Variants in LHFPL3 observed in about 807,000 individuals in gnomAD.
The protein encoded by LHFPL3 is LHFPL tetraspan subfamily member 3.
LHFPL3 carries 5 observed loss-of-function variants against 19.3 expected under a neutral mutation model. The ratio of observed to expected loss-of-function variants is 0.26; its 90% confidence interval spans 0.14 to 0.54. The LOEUF is 0.54. Ranked by LOEUF, LHFPL3 falls within the 20% of genes least tolerant of loss-of-function variation. The pLI is 0.94. For missense variants in LHFPL3, 249 were observed against 307.4 expected (o/e 0.81, Z 1.42); for synonymous variants, 133 against 126.2 (o/e 1.05, Z -0.36).
chr7:104,838,636 T>A (rs746390429), intron 2 of LHFPL3, among the ~76,000 whole-genome samples: 1 of 152,230 alleles, frequency 6.6e-6, no homozygotes, highest in Non-Finnish European at 1.5e-5. Flanking sequence ...ATAGGTGTTA[T>A]AAAGCAGCAC....
At chr7:104,342,329 A>G (rs940924326) in intron 1 of LHFPL3, among the ~76,000 whole-genome samples, 1 of 152,156 alleles carries the variant, frequency 6.6e-6, no homozygotes, top group African/African-American at 2.4e-5. Context: ...TGGAAATCCC[A>G]TTTCTTGGGA....
chr7:104,516,232 C>T (rs41057), intron 1 of LHFPL3, among the ~76,000 whole-genome samples: 3,589 of 152,048 alleles, frequency 0.024, 122 homozygotes, highest in African/African-American at 0.081. Context: ...GGGGAAAGTG[C>T]CTAGCAAAAC....
rs148950248 is a variant in LHFPL3, at chr7:104,423,799, C to A, written c.445+94575C>A. Among the ~76,000 whole-genome samples, 578 of 151,544 alleles carry A rather than the reference C, an allele frequency of 3.8e-3. 6 individuals carry two copies. The highest frequency in any genetic ancestry group is 0.013 in the African/African-American group (535 of 41,192). On this transcript the variant is annotated intron_variant, in intron 1 of 2. Transcript: ENST00000424859. ...AAGGCTGCAGTGAGCCGTGATCATG[C>A]CACTGCACTCAGCCTGGGTGAAAGA...
At chr7:104,797,398 C>G (rs1375799824) in intron 2 of LHFPL3, among the ~76,000 whole-genome samples, 2 of 152,026 alleles carry the variant, frequency 1.3e-5, no homozygotes, top group Admixed American at 1.3e-4. Flanking sequence ...ACTTTAATGG[C>G]CAAATGAGGC....
At chr7:104,359,396 G>A (rs560396757) in intron 1 of LHFPL3, among the ~76,000 whole-genome samples, 4 of 152,270 alleles carry the variant, frequency 2.6e-5, no homozygotes, top group African/African-American at 4.8e-5. Context: ...TCATAGATGC[G>A]ATTGTTAGCT....
chr7:104,519,815 C>T (rs529267786), intron 1 of LHFPL3, among the ~76,000 whole-genome samples: 14 of 152,088 alleles, frequency 9.2e-5, no homozygotes, highest in African/African-American at 3.4e-4. Flanking sequence ...AGGGAAGCAA[C>T]TGTAGATGCC....
At chr7:104,676,532 T>A (rs1002336030) in intron 1 of LHFPL3, among the ~76,000 whole-genome samples, 1 of 152,242 alleles carries the variant, frequency 6.6e-6, no homozygotes, top group Admixed American at 6.5e-5. Flanking sequence ...GTGTTTATGA[T>A]GCATGTATTC....
chr7:104,747,962 G>T (rs1275627217), intron 2 of LHFPL3, among the ~76,000 whole-genome samples: 2 of 152,124 alleles, frequency 1.3e-5, no homozygotes, highest in East Asian at 3.8e-4. Context: ...TACTGTGTCT[G>T]TGTAGAAAGA....
intron 2 of LHFPL3, among the ~76,000 whole-genome samples, chr7:104,827,724 T>C (rs1286948131): frequency 6.6e-6 from 1 of 151,894 alleles, no homozygotes; most frequent in African/African-American, 2.4e-5. Flanking sequence ...TCTTTTGTTA[T>C]GAATTCTTGT....
chr7:104,877,669 G>A (rs1379700420), intron 2 of LHFPL3, among the ~76,000 whole-genome samples: 1 of 151,974 alleles, frequency 6.6e-6, no homozygotes, highest in Non-Finnish European at 1.5e-5. Context: ...CATTGCGGAT[G>A]GGAATGTAAA....
At chr7:104,535,979 C>A (rs951666107) in intron 1 of LHFPL3, among the ~76,000 whole-genome samples, 3 of 152,200 alleles carry the variant, frequency 2.0e-5, no homozygotes, top group African/African-American at 7.2e-5. Context: ...GTACAGCTCT[C>A]CCATCTGGAG....
chr7:104,625,928 A>G (rs1338178605), intron 1 of LHFPL3, among the ~76,000 whole-genome samples: 1 of 152,088 alleles, frequency 6.6e-6, no homozygotes, highest in Non-Finnish European at 1.5e-5. Context: ...TTCCAAAACA[A>G]CACCCCTGCT....
At position 104,376,885 on chromosome 7, in the gene LHFPL3, T is replaced by A. The variant is rs150634335; in HGVS notation, c.445+47661T>A. ...TGTAGCTTTTTTTCCTGGAAAGTTC[T>A]AGGAGTCTTGCAAAGCAAATTAGCA... On this transcript the variant is annotated intron_variant, in intron 1 of 2. Coordinates refer to ENST00000424859, the MANE Select transcript of LHFPL3 (RefSeq NM_199000.3). Among the ~76,000 whole-genome samples the A allele has an allele frequency of 1.4e-4, 21 of 152,336 alleles. No individual in the cohort carries two copies. In the East Asian group the frequency reaches 4.0e-3, roughly 29 times the overall value.
chr7:104,791,831 C>T (rs1790030103), intron 2 of LHFPL3, among the ~76,000 whole-genome samples: 1 of 152,120 alleles, frequency 6.6e-6, no homozygotes, highest in South Asian at 2.1e-4. Flanking sequence ...TCTTGGTTCA[C>T]CTGGCCTGTC....
chr7:104,539,761 C>T (rs1429316920), intron 1 of LHFPL3, among the ~76,000 whole-genome samples: 3 of 152,126 alleles, frequency 2.0e-5, no homozygotes, highest in Non-Finnish European at 4.4e-5. Context: ...TTTCTTTTAA[C>T]CTGAGATTAT....
Position 104,329,180 on chromosome 7 carries a change from C to T in LHFPL3, c.401C>T (p.Thr134Met), listed in dbSNP as rs376545400. Residue 134 changes from threonine to methionine, a missense_variant, in exon 1 of 3, where the codon ACG becomes ATG. Transcript: ENST00000424859. ...TTTACCCTCTTCTTCTTCTGCAACACGGCCACTGTGTACAAGATATGTGCC... is the reference window on the plus strand; with the variant it reads ...TTTACCCTCTTCTTCTTCTGCAACATGGCCACTGTGTACAAGATATGTGCC... ...ICFTLFFFCNTATVYKICAWM... is the reference protein window; with the variant it reads ...ICFTLFFFCNMATVYKICAWM... The T allele has an allele frequency of 1.9e-6, 3 of 1,613,974 alleles. No individual in the cohort carries two copies. Among genetic ancestry groups the T allele is most frequent in the Non-Finnish European group, 1.7e-6 (2 of 1,179,848 alleles).
chr7:104,733,159 T>C (rs1453234876), intron 1 of LHFPL3, among the ~76,000 whole-genome samples: 1 of 152,234 alleles, frequency 6.6e-6, no homozygotes, highest in African/African-American at 2.4e-5. Context: ...TGGTCAATTT[T>C]GGAATAGGTG....
intron 2 of LHFPL3, among the ~76,000 whole-genome samples, chr7:104,824,965 C>T (rs1306623641): frequency 2.8e-5 from 4 of 144,122 alleles, no homozygotes; most frequent in East Asian, 3.9e-4. Context: ...TTTGGAAGCC[C>T]AGGGCCCCAG....
intron 1 of LHFPL3, among the ~76,000 whole-genome samples, chr7:104,466,040 G>A (rs1394471346): frequency 6.6e-6 from 1 of 152,190 alleles, no homozygotes; most frequent in African/African-American, 2.4e-5. Flanking sequence ...TATATATTAT[G>A]TTGTTTTTGG....
Sources: allele counts gnomAD v4.1 joint callset (sites outside exome capture counted in the v4.1 genomes callset), GRCh38; gene constraint gnomAD v4.1.1; transcripts MANE v1.5; gene names NCBI Gene and HGNC (gene_info 2026-07-23, HGNC 2026-07-21).